DLG2: variants seen among roughly 807,000 people sequenced by gnomAD.
DLG2 encodes the protein discs large MAGUK scaffold protein 2.
A neutral mutation model predicts 132.5 loss-of-function variants in DLG2; 45 were observed. The observed-to-expected ratio is 0.34, with a 90% CI of 0.27 to 0.44. The LOEUF (loss-of-function observed/expected upper bound fraction) is 0.44. Ranked by LOEUF, DLG2 falls within the 20% of genes least tolerant of loss-of-function variation. The pLI, the probability that DLG2 is intolerant of heterozygous loss-of-function variation, is 1.00. For missense variants in DLG2, 1,045 were observed against 1,196.9 expected (o/e 0.87, Z 1.87); for synonymous variants, 424 against 419.6 (o/e 1.01, Z -0.13).
At chr11:85,500,560 A>T (rs2093776911) in intron 3 of DLG2, among the ~76,000 whole-genome samples, 2 of 3,746 alleles carry the variant, frequency 5.3e-4, no homozygotes, top group African/African-American at 1.4e-3. Flanking sequence ...TAAAAATAAA[A>T]TAAATAAATA....
chr11:84,781,013 A>G (rs1565944421), intron 6 of DLG2, among the ~76,000 whole-genome samples: 1 of 150,608 alleles, frequency 6.6e-6, no homozygotes, highest in Admixed American at 6.6e-5. Context: ...AAAAAAAAAA[A>G]AGCGACAAGA....
chr11:83,690,572 C>G (rs2080807316), intron 18 of DLG2, among the ~76,000 whole-genome samples: 2 of 150,382 alleles, frequency 1.3e-5, no homozygotes, highest in African/African-American at 4.9e-5. Flanking sequence ...TTATAAGGGG[C>G]AGACACTACA....
At position 83,871,060 on chromosome 11, in the gene DLG2, T is replaced by C. The variant is rs149932901; in HGVS notation, c.1565+3360A>G. Among the ~76,000 whole-genome samples, 1,151 of 152,322 alleles carry C rather than the reference T, an allele frequency of 7.6e-3. 23 individuals are homozygous for C. The highest frequency in any genetic ancestry group is 0.072 in the South Asian group (348 of 4,830). ...AGCTTTCTGTTGCAAAGAAATATAA[T>C]GAAACCATTTGGCCTTTGATGCCCC... On this transcript the variant is annotated intron_variant, in intron 16 of 27. Transcript: ENST00000376104.
At chr11:84,919,125 A>G (rs999475716) in intron 6 of DLG2, among the ~76,000 whole-genome samples, 2 of 152,240 alleles carry the variant, frequency 1.3e-5, no homozygotes. Flanking sequence ...TGTGATTCTT[A>G]TTGAAGGCAA....
chr11:83,732,384 CT>C (rs1452543242), intron 18 of DLG2, among the ~76,000 whole-genome samples: 2 of 152,128 alleles, frequency 1.3e-5, no homozygotes, highest in Non-Finnish European at 2.9e-5. Context: ...TGTTGGGGAG[CT>C]TAATACCTAC....
chr11:85,290,327 T>C (rs909476949), intron 3 of DLG2, among the ~76,000 whole-genome samples: 5 of 152,100 alleles, frequency 3.3e-5, no homozygotes, highest in African/African-American at 9.7e-5. Context: ...GGAAAGTGTT[T>C]ACAAACTCTA....
At chr11:83,931,285 A>G (rs1432786062) in intron 14 of DLG2, among the ~76,000 whole-genome samples, 1 of 152,234 alleles carries the variant, frequency 6.6e-6, no homozygotes, top group Non-Finnish European at 1.5e-5. Flanking sequence ...AAATATTATT[A>G]TACACAAAAT....
In DLG2 at chr11:84,315,490, G is replaced by A. The variant is rs938250646; in HGVS notation, c.520-64199C>T. 1.3e-5 allele frequency among the ~76,000 whole-genome samples: 2 copies of A among 152,102 alleles called. 1 individual carries two copies. Among genetic ancestry groups the A allele is most frequent in the South Asian group, 4.1e-4 (2 of 4,836 alleles). On this transcript the variant is annotated intron_variant, in intron 7 of 27. Transcript: ENST00000376104. ...GAGAATTTAATGTAATCAATACAGA[G>A]ATATAAGCTAAAGACATTTAAATGA...
intron 18 of DLG2, among the ~76,000 whole-genome samples, chr11:83,757,512 G>A (rs2093699705): frequency 6.6e-6 from 1 of 152,144 alleles, no homozygotes; most frequent in Admixed American, 6.5e-5. Flanking sequence ...ATAATGGTAG[G>A]GACAACCCAC....
chr11:83,614,579 C>A (rs12280692), intron 19 of DLG2, among the ~76,000 whole-genome samples: 28,476 of 151,924 alleles, frequency 0.19, 2,821 homozygotes, highest in African/African-American at 0.19. Context: ...ATTAGCCAAG[C>A]CTGGTGGTGC....
intron 18 of DLG2, among the ~76,000 whole-genome samples, chr11:83,657,730 C>T (rs534311143): frequency 3.8e-4 from 57 of 151,812 alleles, no homozygotes; most frequent in Non-Finnish European, 6.0e-4. Flanking sequence ...TTAGTAGAGA[C>T]GGGGTTTCAC....
At chr11:83,790,229 C>T (rs2041172909) in intron 17 of DLG2, 1 of 909,146 alleles carries the variant, frequency 1.1e-6, no homozygotes, top group Non-Finnish European at 1.8e-6. Context: ...GGATGTATGC[C>T]CTTCCACATT....
intron 7 of DLG2, among the ~76,000 whole-genome samples, chr11:84,313,687 A>AAGAG (rs760229361): frequency 3.5e-5 from 5 of 141,286 alleles, no homozygotes; most frequent in African/African-American, 1.3e-4. Context: ...GAAAGAAAGA[A>AAGAG]AAAGAAAGAG....
At chr11:83,695,697 C>G (rs908676112) in intron 18 of DLG2, among the ~76,000 whole-genome samples, 1 of 152,104 alleles carries the variant, frequency 6.6e-6, no homozygotes, top group African/African-American at 2.4e-5. Context: ...CGAGATGGTG[C>G]CACTGCACTC....
intron 3 of DLG2, among the ~76,000 whole-genome samples, chr11:85,364,620 A>G (rs185083840): frequency 6.6e-6 from 1 of 152,208 alleles, no homozygotes; most frequent in East Asian, 1.9e-4. Flanking sequence ...ATCATCTCTG[A>G]AAAAAACCAT....
intron 18 of DLG2, among the ~76,000 whole-genome samples, chr11:83,751,981 G>C (rs1395345779): frequency 6.6e-6 from 1 of 152,148 alleles, no homozygotes; most frequent in Non-Finnish European, 1.5e-5. Flanking sequence ...AAAAAAGAGA[G>C]GACTTGCCTG....
intron 7 of DLG2, among the ~76,000 whole-genome samples, chr11:84,368,069 A>G (rs968724977): frequency 2.0e-5 from 3 of 152,104 alleles, no homozygotes; most frequent in Admixed American, 6.6e-5. Context: ...AAGATCTCCA[A>G]TGCTGTTTTG....
chr11:84,878,907 C>G (rs1249308516), intron 6 of DLG2, among the ~76,000 whole-genome samples: 1 of 152,130 alleles, frequency 6.6e-6, no homozygotes, highest in African/African-American at 2.4e-5. Context: ...CCCCCTGTGG[C>G]AAAGCAAGGA....
In DLG2 at chr11:85,321,958, G is replaced by A. The variant is rs188282491; in HGVS notation, c.41-36593C>T. Reference sequence around the variant, plus strand: ...GCAGTTCCGAGAGAAAAAAGGGATCGATGTTATATTAAGGCTATAAGAATC... The same window carrying A: ...GCAGTTCCGAGAGAAAAAAGGGATCAATGTTATATTAAGGCTATAAGAATC... On this transcript the variant is annotated intron_variant, in intron 3 of 27. Coordinates refer to ENST00000376104, the MANE Select transcript of DLG2 (RefSeq NM_001142699.3). Among the ~76,000 whole-genome samples the A allele has an allele frequency of 1.8e-3, 274 of 152,088 alleles. 1 individual carries two copies. The highest frequency in any genetic ancestry group is 3.2e-3 in the Non-Finnish European group (214 of 67,920).
Sources: allele counts gnomAD v4.1 joint callset (sites outside exome capture counted in the v4.1 genomes callset), GRCh38; gene constraint gnomAD v4.1.1; transcripts MANE v1.5; gene names NCBI Gene and HGNC (gene_info 2026-07-23, HGNC 2026-07-21).